The following RNF38 variants were observed in gnomAD, a reference collection of about 807,000 sequenced individuals.
RNF38 encodes ring finger protein 38.
In RNF38, 15 loss-of-function variants were observed where a neutral mutation model predicts 67.2. The observed-to-expected ratio is 0.22, with a 90% CI of 0.15 to 0.34. RNF38 has a LOEUF of 0.34. Among genes scored for constraint, RNF38 ranks in the 10% least tolerant of loss-of-function variants. The pLI, the probability that RNF38 is intolerant of heterozygous loss-of-function variation, is 1.00. For synonymous variants in RNF38, 220 were observed against 218.8 expected, an observed-to-expected ratio of 1.01 and a Z score of -0.05; for missense variants, 524 against 639.9, an observed-to-expected ratio of 0.82 and a Z score of 1.95.
rs1329085500 is a variant in RNF38, at chr9:36,454,877, C to T, written n.242-30194G>A. 2.6e-5 allele frequency among the ~76,000 whole-genome samples: 4 copies of T among 151,996 alleles called. No individual in the cohort carries two copies. In the East Asian group the frequency reaches 7.8e-4, roughly 30 times the overall value. ...GGGGTTAAAGGCGTGAGCCACTGCA[C>T]CCGACCTAATTTTAAATCCTGTAAA... On this transcript the variant is annotated intron_variant and non_coding_transcript_variant, in intron 1 of 3. Coordinates refer to the RNF38 transcript ENST00000488058.
At chr9:36,450,836 C>T (rs1023332823) in intron 1 of RNF38, among the ~76,000 whole-genome samples, 22 of 151,488 alleles carry the variant, frequency 1.5e-4, no homozygotes, top group Non-Finnish European at 3.1e-4. Context: ...ATCACTTGAA[C>T]CCAGGAGGTG....
intron 9 of RNF38, among the ~76,000 whole-genome samples, chr9:36,346,908 A>G (rs1213106266): frequency 6.6e-6 from 1 of 152,086 alleles, no homozygotes. Context: ...ACTTGAGGTC[A>G]GGCATTTGAG....
Position 36,444,235 on chromosome 9 carries a change from C to A in RNF38, n.242-19552G>T, listed in dbSNP as rs371541442. Among the ~76,000 whole-genome samples, 114 of 151,752 alleles carry A rather than the reference C, an allele frequency of 7.5e-4. 2 individuals are homozygous for A. The South Asian group carries it at 0.022, about 30-fold the overall frequency. On this transcript the variant is annotated intron_variant and non_coding_transcript_variant, in intron 1 of 3. Transcript: ENST00000488058. ...GAAAAGAAGTAATTTTAAAAAAGGA[C>A]GGTGAAAGATCAGGATAGAACAGTT...
At chr9:36,404,988 G>T (rs745310312), upstream of RNF38, among the ~76,000 whole-genome samples, 1 of 151,746 alleles carries the variant, frequency 6.6e-6, no homozygotes, top group Non-Finnish European at 1.5e-5. Context: ...ATTTATACAT[G>T]GGCCAGGTGC....
chr9:36,400,805 G>T, upstream of RNF38: 1 of 985,322 alleles, frequency 1.0e-6, no homozygotes, highest in African/African-American at 1.7e-5. Context: ...CTAACGCCTC[G>T]GAGGCTCCAT....
chr9:36,345,328 A>AC (rs1833147865), intron 9 of RNF38, among the ~76,000 whole-genome samples: 1 of 152,154 alleles, frequency 6.6e-6, no homozygotes, highest in South Asian at 2.1e-4. Context: ...CCTAAACCTC[A>AC]CCTTATTTTA....
At chr9:36,444,547 C>T (rs1728765455) in intron 1 of RNF38, among the ~76,000 whole-genome samples, 1 of 152,158 alleles carries the variant, frequency 6.6e-6, no homozygotes, top group South Asian at 2.1e-4. Context: ...TGCCTGTAAT[C>T]CCAGCACTTT....
At chr9:36,464,221 C>G (rs1014321060) in intron 1 of RNF38, among the ~76,000 whole-genome samples, 6 of 151,514 alleles carry the variant, frequency 4.0e-5, no homozygotes, top group African/African-American at 1.2e-4. Flanking sequence ...TAATTTCTGA[C>G]AAGATCAAAG....
At chr9:36,448,086 G>T (rs1839350490) in intron 1 of RNF38, among the ~76,000 whole-genome samples, 1 of 152,162 alleles carries the variant, frequency 6.6e-6, no homozygotes, top group Admixed American at 6.6e-5. Context: ...AAAAGGGGAG[G>T]TGACTTACCC....
chr9:36,372,714 C>T (rs763301449), intron 3 of RNF38: 37 of 463,582 alleles, frequency 8.0e-5, no homozygotes, highest in Admixed American at 4.6e-4. Flanking sequence ...TTGCTATGAA[C>T]GAGGACCATG....
At chr9:36,477,124 C>G (rs1343234852) in intron 1 of RNF38, among the ~76,000 whole-genome samples, 1 of 151,502 alleles carries the variant, frequency 6.6e-6, no homozygotes, top group Non-Finnish European at 1.5e-5. Context: ...GAGTTCAAGA[C>G]CAGCCTGGTC....
chr9:36,480,845 C>T (rs756606377), intron 1 of RNF38, among the ~76,000 whole-genome samples: 25 of 151,400 alleles, frequency 1.7e-4, no homozygotes, highest in Non-Finnish European at 3.1e-4. Context: ...CCGCCACGCC[C>T]GGCCCCTTCC....
chr9:36,397,055 A>G (rs577357106), intron 1 of RNF38, among the ~76,000 whole-genome samples: 17 of 143,596 alleles, frequency 1.2e-4, no homozygotes, highest in Middle Eastern at 3.5e-3. Flanking sequence ...ATACACATGT[A>G]TATATACGTA....
chr9:36,471,382 A>G (rs1049643939), intron 1 of RNF38, among the ~76,000 whole-genome samples: 3 of 152,250 alleles, frequency 2.0e-5, no homozygotes, highest in Admixed American at 1.3e-4. Flanking sequence ...GAAAAATAAT[A>G]TAACTATTCT....
chr9:36,362,365 G>C (rs970702981), intron 4 of RNF38, among the ~76,000 whole-genome samples: 3 of 151,736 alleles, frequency 2.0e-5, no homozygotes, highest in African/African-American at 7.3e-5. Flanking sequence ...TCTCGGGGGA[G>C]GGGGGAGAAG....
chr9:36,484,895 G>A (rs888749837), intron 1 of RNF38, among the ~76,000 whole-genome samples: 4 of 152,172 alleles, frequency 2.6e-5, no homozygotes, highest in Non-Finnish European at 5.9e-5. Flanking sequence ...GGCCGGGCGC[G>A]GTGGCTCACG....
chr9:36,449,079 C>T (rs1009016078), intron 1 of RNF38, among the ~76,000 whole-genome samples: 5 of 152,156 alleles, frequency 3.3e-5, no homozygotes, highest in African/African-American at 1.2e-4. Flanking sequence ...CCTAGATCTC[C>T]TCTACAAATA....
chr9:36,469,567 A>T (rs887336873), intron 1 of RNF38, among the ~76,000 whole-genome samples: 4 of 152,146 alleles, frequency 2.6e-5, no homozygotes, highest in Non-Finnish European at 5.9e-5. Context: ...AGGCTGAGGC[A>T]GGAGAATTGC....
At chr9:36,379,200 A>G (rs2133890254) in intron 2 of RNF38, among the ~76,000 whole-genome samples, 1 of 152,294 alleles carries the variant, frequency 6.6e-6, no homozygotes, top group South Asian at 2.1e-4. Flanking sequence ...GCGCTGGGCC[A>G]ATAAGTTTAC....
Sources: allele counts gnomAD v4.1 joint callset (sites outside exome capture counted in the v4.1 genomes callset), GRCh38; gene constraint gnomAD v4.1.1; transcripts MANE v1.5; gene names NCBI Gene and HGNC (gene_info 2026-07-23, HGNC 2026-07-21).